The following TENM3 variants were observed in gnomAD, a reference collection of about 807,000 sequenced individuals.
The protein encoded by TENM3 is teneurin-3.
Under a neutral mutation model 255.1 loss-of-function variants are expected in TENM3, and 63 were observed. The ratio of observed to expected loss-of-function variants is 0.25; its 90% CI spans 0.20 to 0.30. The LOEUF (loss-of-function observed/expected upper bound fraction) is 0.30, where lower values mean the gene tolerates loss of function less well. TENM3 is among the 10% of genes least tolerant of loss of function. TENM3 has a pLI of 1.00. For synonymous variants in TENM3, 1,306 were observed against 1,322.3 expected, an observed-to-expected ratio of 0.99 and a Z score of 0.27; for missense variants, 2,929 against 3,461.1, an observed-to-expected ratio of 0.85 and a Z score of 3.86.
At chr4:181,710,148 A>G in the TENM3 span, among the ~76,000 whole-genome samples, 15 of 152,100 alleles carry the variant, frequency 9.9e-5, no homozygotes, top group Non-Finnish European at 4.4e-5. Flanking sequence ...CCAAATAAGA[A>G]CCTAGATAGA....
At chr4:181,467,060 AGTGT>A in the TENM3 span, among the ~76,000 whole-genome samples, 31 of 88,872 alleles carry the variant, frequency 3.5e-4, no homozygotes, top group African/African-American at 8.1e-4. Flanking sequence ...ATATTTTACT[AGTGT>A]GTGTGTGTGT....
At chr4:181,604,955 T>C in the TENM3 span, among the ~76,000 whole-genome samples, 1 of 152,210 alleles carries the variant, frequency 6.6e-6, no homozygotes, top group Non-Finnish European at 1.5e-5. Flanking sequence ...GAGGTTGATT[T>C]AATGTGTGTT....
intron 1 of TENM3, among the ~76,000 whole-genome samples, chr4:182,151,589 T>G (rs1338439601): frequency 6.6e-6 from 1 of 152,054 alleles, no homozygotes; most frequent in Admixed American, 6.6e-5. Context: ...GAATTTATAA[T>G]AACTTCCAGC....
intron 1 of TENM3, among the ~76,000 whole-genome samples, chr4:182,296,724 C>T (rs934300748): frequency 6.6e-6 from 1 of 152,168 alleles, no homozygotes; most frequent in Non-Finnish European, 1.5e-5. Context: ...TTTGTCTTTA[C>T]CAAAATACTT....
At chr4:182,493,657 G>T (rs1735502764) in intron 3 of TENM3, among the ~76,000 whole-genome samples, 1 of 152,132 alleles carries the variant, frequency 6.6e-6, no homozygotes, top group African/African-American at 2.4e-5. Flanking sequence ...GGGTGTGAGG[G>T]TCATTTATTT....
At chr4:182,271,658 T>TA (rs1036394757) in intron 1 of TENM3, among the ~76,000 whole-genome samples, 2 of 152,226 alleles carry the variant, frequency 1.3e-5, no homozygotes, top group African/African-American at 4.8e-5. Context: ...CTCAATCCTA[T>TA]AAGCAGTGGC....
At chr4:181,970,770 T>C in the TENM3 span, among the ~76,000 whole-genome samples, 1 of 152,302 alleles carries the variant, frequency 6.6e-6, no homozygotes, top group East Asian at 1.9e-4. Context: ...CAGCAAGCCT[T>C]GGACCAAAAG....
intron 3 of TENM3, among the ~76,000 whole-genome samples, chr4:182,587,166 C>T (rs1746106220): frequency 6.6e-6 from 1 of 152,068 alleles, no homozygotes. Context: ...TCATGGCTCA[C>T]CGTAGCCTCA....
the TENM3 span, among the ~76,000 whole-genome samples, chr4:182,076,281 T>C: frequency 1.3e-5 from 2 of 149,132 alleles, no homozygotes; most frequent in African/African-American, 4.9e-5. Flanking sequence ...CTTGGCTCAC[T>C]GCAACCTCCG....
Position 182,628,355 on chromosome 4 carries a change from T to G in TENM3, c.750-296T>G, listed in dbSNP as rs543029277. Reference sequence around the variant, plus strand: ...CAGGAAACAGTATGATTAGAAAATCTTTATAGTCTCTCAAGATGTCTACTT... The same window carrying G: ...CAGGAAACAGTATGATTAGAAAATCGTTATAGTCTCTCAAGATGTCTACTT... On this transcript the variant is annotated intron_variant, in intron 4 of 27. Coordinates refer to ENST00000511685, the MANE Select transcript of TENM3 (RefSeq NM_001080477.4). Among the ~76,000 whole-genome samples, 4 of 152,294 alleles carry G rather than the reference T, an allele frequency of 2.6e-5. No homozygotes were observed. In the South Asian group the frequency reaches 8.3e-4, roughly 32 times the overall value.
At chr4:181,670,498 A>G in the TENM3 span, among the ~76,000 whole-genome samples, 1 of 152,216 alleles carries the variant, frequency 6.6e-6, no homozygotes, top group South Asian at 2.1e-4. Context: ...AAAAAAAGGC[A>G]GTGAATCTTG....
At chr4:182,600,247 G>T (rs895149354) in intron 3 of TENM3, among the ~76,000 whole-genome samples, 1 of 152,118 alleles carries the variant, frequency 6.6e-6, no homozygotes, top group Non-Finnish European at 1.5e-5. Context: ...TGGATGTGAC[G>T]GTCATTAAGT....
chr4:182,319,961 A>C (rs1762949815), intron 1 of TENM3, among the ~76,000 whole-genome samples: 1 of 152,118 alleles, frequency 6.6e-6, no homozygotes. Context: ...AAAAATATAC[A>C]AATTAGCCGG....
chr4:182,067,871 G>T, the TENM3 span, among the ~76,000 whole-genome samples: 1 of 152,102 alleles, frequency 6.6e-6, no homozygotes, highest in Non-Finnish European at 1.5e-5. Context: ...CTCTATCGAG[G>T]CTTTTTCAGG....
chr4:182,503,723 CT>C (rs145335093), intron 3 of TENM3, among the ~76,000 whole-genome samples: 6,250 of 152,166 alleles, frequency 0.041, 236 homozygotes, highest in East Asian at 0.1. Flanking sequence ...TTCTGTGTAG[CT>C]GTGACACACC....
chr4:182,307,494 G>A (rs1339635054), intron 1 of TENM3, among the ~76,000 whole-genome samples: 1 of 152,104 alleles, frequency 6.6e-6, no homozygotes, highest in African/African-American at 2.4e-5. Context: ...ACTCACCTGA[G>A]GAAGGTATTT....
At chr4:182,722,137 A>G (rs1055363200) in intron 13 of TENM3, among the ~76,000 whole-genome samples, 3 of 152,214 alleles carry the variant, frequency 2.0e-5, no homozygotes, top group Non-Finnish European at 4.4e-5. Context: ...GAGATGAGAC[A>G]TAGTGTTACA....
chr4:181,956,343 C>T, the TENM3 span, among the ~76,000 whole-genome samples: 5 of 152,290 alleles, frequency 3.3e-5, no homozygotes, highest in Non-Finnish European at 5.9e-5. Context: ...ACAATTCATA[C>T]TCTCAGAATA....
the TENM3 span, among the ~76,000 whole-genome samples, chr4:181,883,327 A>C: frequency 6.6e-6 from 1 of 152,106 alleles, no homozygotes; most frequent in African/African-American, 2.4e-5. Flanking sequence ...CCACCAACTC[A>C]TTCAAATCGT....
Sources: allele counts gnomAD v4.1 joint callset (sites outside exome capture counted in the v4.1 genomes callset), GRCh38; gene constraint gnomAD v4.1.1; transcripts MANE v1.5; gene names NCBI Gene and HGNC (gene_info 2026-07-23, HGNC 2026-07-21).